The following MRPL39 variants were observed in gnomAD, a reference collection of about 807,000 sequenced individuals.
The protein encoded by MRPL39 is mitochondrial ribosomal protein L39.
A neutral mutation model predicts 44.5 loss-of-function variants in MRPL39; 35 were observed. That is an observed-to-expected ratio of 0.79 (90% CI 0.60 to 1.04). The LOEUF is 1.04. Among genes scored for constraint, MRPL39 ranks in the 50% least tolerant of loss-of-function variants. The pLI is 0.00. For missense variants in MRPL39, 433 were observed against 413.5 expected (o/e 1.05, Z -0.41); for synonymous variants, 139 against 136.1 (o/e 1.02, Z -0.15).
At chr21:25,588,770 G>T in intron 9 of MRPL39, 65 bp downstream of exon 9, 4 of 1,407,902 alleles carry the variant, frequency 2.8e-6, no homozygotes, top group Non-Finnish European at 3.0e-6. Flanking sequence ...CCCTTTGGTT[G>T]TTATTGGTTA....
intron 2 of MRPL39, 37 bp downstream of exon 2, chr21:25,606,412 A>G (rs371927746): frequency 6.0e-5 from 91 of 1,512,288 alleles, no homozygotes; most frequent in Non-Finnish European, 8.1e-5. Context: ...CAGCTTAAGT[A>G]AAAGGGTCAA....
chr21:25,593,121 T>C (rs1312048076), intron 7 of MRPL39, among the ~76,000 whole-genome samples, 156 bp from the exon 8 acceptor site: 2 of 152,184 alleles, frequency 1.3e-5, no homozygotes, highest in Non-Finnish European at 2.9e-5. Flanking sequence ...GACATAATGA[T>C]CTCAAGTAAA....
At chr21:25,603,090 T>G (rs2031567267) in intron 3 of MRPL39, among the ~76,000 whole-genome samples, 1 of 152,218 alleles carries the variant, frequency 6.6e-6, no homozygotes, top group Non-Finnish European at 1.5e-5. Flanking sequence ...TTAAGTTTCC[T>G]GAAGCCTCTC....
chr21:25,601,575 C>T (rs1182158202), intron 3 of MRPL39, 108 bp from the exon 4 acceptor site: 4 of 660,474 alleles, frequency 6.1e-6, no homozygotes, highest in South Asian at 6.0e-5. Context: ...AAATATTTCT[C>T]ATATATCTCT....
intron 3 of MRPL39, among the ~76,000 whole-genome samples, chr21:25,602,859 A>G (rs2031560649): frequency 6.6e-6 from 1 of 152,224 alleles, no homozygotes; most frequent in Non-Finnish European, 1.5e-5. Flanking sequence ...TTAGTGACTG[A>G]TATGGTTTAG....
At chr21:25,600,621 T>C (rs1324211653) in intron 4 of MRPL39, among the ~76,000 whole-genome samples, 4 of 151,580 alleles carry the variant, frequency 2.6e-5, no homozygotes, top group Admixed American at 1.3e-4. Context: ...TACTTACTAT[T>C]CCAAAATCCT....
At chr21:25,598,455 A>AGAG (rs1186956647) in intron 5 of MRPL39, among the ~76,000 whole-genome samples, 1 of 147,560 alleles carries the variant, frequency 6.8e-6, no homozygotes. Context: ...AAAAAAAAAG[A>AGAG]GAGAGAAAGA....
chr21:25,587,098 G>A (rs2031020630), intron 9 of MRPL39, among the ~76,000 whole-genome samples: 1 of 152,034 alleles, frequency 6.6e-6, no homozygotes, highest in African/African-American at 2.4e-5. Context: ...CAGAATAAAT[G>A]TTTGAAAAAA....
chr21:25,597,374 A>AT lies in MRPL39; in HGVS notation c.628dup (p.Ile210AsnfsTer3), dbSNP rs548387930. ...AGTTTCAAATGGAAGATCTTTATAA[A>AT]TTAAAGCATGAGCATCTTTTGTGAA... On this transcript the variant is annotated frameshift_variant, in exon 6 of 10. Coordinates refer to ENST00000352957, the MANE Select transcript of MRPL39 (RefSeq NM_017446.4). LOFTEE classifies it high-confidence loss of function. The AT allele has an allele frequency of 4.4e-6, 7 of 1,602,108 alleles. No homozygotes were observed. Among genetic ancestry groups the AT allele is most frequent in the Non-Finnish European group, 6.0e-6 (7 of 1,172,330 alleles).
rs1464030770 is a variant in MRPL39 at position 25,603,800 on chromosome 21, T to C, written c.416A>G (p.Asn139Ser). 6.2e-7 allele frequency: 1 copy of C among 1,605,872 alleles called. No individual in the cohort carries two copies. The highest frequency in any genetic ancestry group is 8.5e-7 in the Non-Finnish European group (1 of 1,177,060). ...AGAATGTAGAGATAGAAATACCTTA[T>C]TCACTTCTCCTGGATCACAATCTTT... is the stretch of plus-strand genomic sequence containing the variant. ...TFKDCDPGEV[N>S]KAYWRSCAMM... is the part of the protein sequence containing the mutation. The change falls in exon 3 of 10, where the codon AAT (asparagine) becomes AGT (serine). Residue 139 changes from asparagine (N) to serine (S), a missense_variant. Asn to Ser is a conservative substitution (Grantham distance 46). Coordinates refer to ENST00000352957, the MANE Select transcript of MRPL39 (RefSeq NM_017446.4).
At position 25,587,857 on chromosome 21, in the gene MRPL39, G is replaced by A. The variant is rs940445048; in HGVS notation, c.969+978C>T. ...ATAAGTTTAATGTGTGATGCTTAAT[G>A]TGCCTGCAAGCTTAACCAGTGTTTG... On this transcript the variant is annotated intron_variant, in intron 9 of 9. Coordinates refer to ENST00000352957, the MANE Select transcript of MRPL39 (RefSeq NM_017446.4). 1.4e-5 allele frequency: 17 copies of A among 1,182,756 alleles called. No homozygotes were observed. In the African/African-American group the frequency reaches 2.3e-4, roughly 16 times the overall value. The allele number at this position is 1,182,756 out of a possible 1,614,324, so 73.3% of individuals were successfully genotyped here. A position where few individuals can be genotyped will look rare whatever the true frequency, so the allele number is the denominator to read the frequency against.
intron 1 of MRPL39, among the ~76,000 whole-genome samples, chr21:25,606,964 G>A (rs2031695947): frequency 6.6e-6 from 1 of 152,196 alleles, no homozygotes; most frequent in African/African-American, 2.4e-5. Flanking sequence ...GTTTGACAGG[G>A]TCTGAAGAAA....
At chr21:25,585,839 C>T in intron 9 of MRPL39, 85 bp from the exon 10 acceptor site, 1 of 898,654 alleles carries the variant, frequency 1.1e-6, no homozygotes, top group Non-Finnish European at 1.8e-6. Flanking sequence ...TTCCACAGCC[C>T]TCTTATAATG....
chr21:25,600,843 C>CA (rs1248465667), intron 4 of MRPL39, among the ~76,000 whole-genome samples: 1 of 152,184 alleles, frequency 6.6e-6, no homozygotes, highest in Non-Finnish European at 1.5e-5. Flanking sequence ...CACGGTGGCT[C>CA]ACGCCTGTAA....
chr21:25,590,777 C>T (rs1278370502), intron 8 of MRPL39, among the ~76,000 whole-genome samples: 2 of 152,022 alleles, frequency 1.3e-5, no homozygotes, highest in African/African-American at 4.8e-5. Flanking sequence ...AAATATTATC[C>T]TAACATTAAA....
chr21:25,603,091 G>A (rs999350846), intron 3 of MRPL39, among the ~76,000 whole-genome samples: 2 of 152,122 alleles, frequency 1.3e-5, no homozygotes, highest in Non-Finnish European at 2.9e-5. Context: ...TAAGTTTCCT[G>A]AAGCCTCTCC....
chr21:25,594,249 C>CTTTTTTTT (rs34629790), intron 6 of MRPL39, among the ~76,000 whole-genome samples: 25 of 54,248 alleles, frequency 4.6e-4, no homozygotes, highest in South Asian at 7.5e-4. Context: ...TTTCTTTGTT[C>CTTTTTTTT]TTTTTTTTTT....
chr21:25,586,390 G>A (rs375886104), intron 9 of MRPL39, among the ~76,000 whole-genome samples: 21 of 152,082 alleles, frequency 1.4e-4, no homozygotes, highest in Admixed American at 3.9e-4. Flanking sequence ...TCCCTATCGC[G>A]GCTGAACTTT....
At chr21:25,600,047 CAA>C (rs1338849431) in intron 4 of MRPL39, among the ~76,000 whole-genome samples, 181 bp from the exon 5 acceptor site, 1 of 152,176 alleles carries the variant, frequency 6.6e-6, no homozygotes, top group Non-Finnish European at 1.5e-5. Flanking sequence ...TTCCCTTAGC[CAA>C]AAGATTGTCA....
Sources: gnomAD v4.1 joint callset for allele counts (sites outside exome capture counted in the v4.1 genomes callset) on GRCh38, gnomAD v4.1.1 for gene constraint, MANE v1.5 for transcripts, NCBI Gene and HGNC (gene_info 2026-07-23, HGNC 2026-07-21) for gene names.